The following KCNK13 variants were observed in gnomAD, a reference collection of about 807,000 sequenced individuals.
KCNK13 encodes potassium two pore domain channel subfamily K member 13, also known as potassium channel subfamily K member 13.
Under a neutral mutation model 23.4 loss-of-function variants are expected in KCNK13, and 12 were observed. The observed-to-expected ratio is 0.51, with a 90% CI of 0.33 to 0.83. The LOEUF (loss-of-function observed/expected upper bound fraction) is 0.83. KCNK13 is among the 40% of genes least tolerant of loss of function. KCNK13 has a pLI of 0.02. For synonymous variants in KCNK13, 231 were observed against 229.5 expected, an observed-to-expected ratio of 1.01 and a Z score of -0.06; for missense variants, 463 against 556.3, an observed-to-expected ratio of 0.83 and a Z score of 1.69.
At chr14:90,125,323 A>G (rs1285279475) in intron 1 of KCNK13, among the ~76,000 whole-genome samples, 1 of 151,046 alleles carries the variant, frequency 6.6e-6, no homozygotes, top group Non-Finnish European at 1.5e-5. Flanking sequence ...TCCTGGGTTC[A>G]CACCATTCTC....
intron 1 of KCNK13, among the ~76,000 whole-genome samples, chr14:90,156,518 A>G (rs569167413): frequency 2.0e-5 from 3 of 152,310 alleles, no homozygotes; most frequent in South Asian, 2.1e-4. Context: ...CAAGGGAGCA[A>G]TTGATTCTCT....
chr14:90,185,662 A>G lies in KCNK13; in HGVS notation c.*659A>G, dbSNP rs1890542127. The G allele has an allele frequency of 6.6e-6, 1 of 152,190 alleles. No homozygotes were observed. The highest frequency in any genetic ancestry group is 6.5e-5 in the Admixed American group (1 of 15,288). 9.4% of individuals were successfully genotyped at this position (152,190 alleles called of 1,614,324 possible). A position where few individuals can be genotyped will look rare whatever the true frequency, so the allele number is the denominator to read the frequency against. On this transcript the variant is annotated 3_prime_UTR_variant, in exon 2 of 2. Transcript: ENST00000282146. ...ATTAAATTCAGCTTCAGGCCTTTAA[A>G]CTGCAGCAAGATGGTGGTGTAGGGG...
At chr14:90,081,451 A>G (rs1368289101) in intron 1 of KCNK13, among the ~76,000 whole-genome samples, 1 of 152,206 alleles carries the variant, frequency 6.6e-6, no homozygotes, top group African/African-American at 2.4e-5. Context: ...TTGTTTTCTC[A>G]TCCACAAACA....
intron 1 of KCNK13, among the ~76,000 whole-genome samples, chr14:90,145,235 T>C (rs1373752721): frequency 6.6e-6 from 1 of 151,704 alleles, no homozygotes; most frequent in East Asian, 1.9e-4. Context: ...TGGCAAAAAA[T>C]ACAAAAAATT....
chr14:90,151,005 C>T (rs1246777300), intron 1 of KCNK13, among the ~76,000 whole-genome samples: 1 of 151,942 alleles, frequency 6.6e-6, no homozygotes, highest in African/African-American at 2.4e-5. Flanking sequence ...TGTGTGGCAC[C>T]TCCTCCCTTC....
At chr14:90,136,771 A>G (rs1186714972) in intron 1 of KCNK13, among the ~76,000 whole-genome samples, 1 of 152,174 alleles carries the variant, frequency 6.6e-6, no homozygotes, top group Non-Finnish European at 1.5e-5. Context: ...TGGCGAGAGA[A>G]GGAAAGTGCT....
intron 1 of KCNK13, among the ~76,000 whole-genome samples, chr14:90,123,075 T>G (rs1279125162): frequency 1.3e-5 from 2 of 152,142 alleles, no homozygotes; most frequent in African/African-American, 2.4e-5. Flanking sequence ...GAACTATAGC[T>G]ATATTCAAAC....
intron 1 of KCNK13, among the ~76,000 whole-genome samples, chr14:90,079,076 A>C (rs1170908034): frequency 6.6e-6 from 1 of 152,204 alleles, no homozygotes; most frequent in Non-Finnish European, 1.5e-5. Context: ...AAAGTCAACC[A>C]GGAGTTGGGC....
intron 1 of KCNK13, among the ~76,000 whole-genome samples, chr14:90,093,484 C>T (rs1315330828): frequency 6.6e-6 from 1 of 152,190 alleles, no homozygotes; most frequent in Non-Finnish European, 1.5e-5. Context: ...CTCTTTGCCA[C>T]CTCTACATTT....
chr14:90,114,938 C>T (rs1348221175), intron 1 of KCNK13, among the ~76,000 whole-genome samples: 1 of 152,202 alleles, frequency 6.6e-6, no homozygotes, highest in East Asian at 1.9e-4. Flanking sequence ...GCAGGTTCAC[C>T]TCACTTTCTT....
chr14:90,135,012 T>C (rs1889918964), intron 1 of KCNK13, among the ~76,000 whole-genome samples: 1 of 152,114 alleles, frequency 6.6e-6, no homozygotes, highest in Non-Finnish European at 1.5e-5. Flanking sequence ...GCTTCCAAGG[T>C]TTACTCAATT....
rs1365228104 is a variant in KCNK13 at position 90,133,605 on chromosome 14, A to G, written c.335-50506A>G. Among the ~76,000 whole-genome samples, 4 of 152,182 alleles carry G rather than the reference A, an allele frequency of 2.6e-5. No homozygotes were observed. In the East Asian group the frequency reaches 7.7e-4, roughly 29 times the overall value. Reference sequence around the variant, plus strand: ...GAACAAAAACAAAACAGGCAAAAAAAAAAAAAAAAACAGTTAAGAAATTGC... The same window carrying G: ...GAACAAAAACAAAACAGGCAAAAAAGAAAAAAAAAACAGTTAAGAAATTGC... On this transcript the variant is annotated intron_variant, in intron 1 of 1. Transcript: ENST00000282146.
At chr14:90,158,926 G>T (rs1890223740) in intron 1 of KCNK13, among the ~76,000 whole-genome samples, 1 of 152,182 alleles carries the variant, frequency 6.6e-6, no homozygotes, top group African/African-American at 2.4e-5. Context: ...GTTGGAAGAG[G>T]GCACACTTGG....
Position 90,066,046 on chromosome 14 carries a change from C to A in KCNK13, c.334+3507C>A, listed in dbSNP as rs189854232. ...TGGCACAATCTTGGCTCACTGCAACCCCTGCCTCCCGGGTTCAAGCAGTTC... is the reference window on the plus strand; with the variant it reads ...TGGCACAATCTTGGCTCACTGCAACACCTGCCTCCCGGGTTCAAGCAGTTC... On this transcript the variant is annotated intron_variant, in intron 1 of 1. Transcript: ENST00000282146. 2.0e-3 allele frequency among the ~76,000 whole-genome samples: 309 copies of A among 152,090 alleles called. 6 individuals carry two copies. Among genetic ancestry groups the A allele is most frequent in the East Asian group, 6.4e-3 (33 of 5,168 alleles).
chr14:90,163,746 G>A (rs542854060), intron 1 of KCNK13, among the ~76,000 whole-genome samples: 2 of 152,286 alleles, frequency 1.3e-5, no homozygotes, highest in Non-Finnish European at 2.9e-5. Flanking sequence ...CTCAAATGCA[G>A]TGGTGCAATC....
chr14:90,174,877 A>G (rs1250459854), intron 1 of KCNK13, among the ~76,000 whole-genome samples: 2 of 151,994 alleles, frequency 1.3e-5, no homozygotes, highest in Admixed American at 1.3e-4. Context: ...AAATAAATAA[A>G]TAATAAATAA....
chr14:90,162,613 C>T (rs1003140321), intron 1 of KCNK13, among the ~76,000 whole-genome samples: 5 of 152,226 alleles, frequency 3.3e-5, no homozygotes, highest in Admixed American at 1.3e-4. Context: ...GAAAAATAAA[C>T]TTTTTAAAAT....
rs369059666 is a variant in KCNK13 at position 90,151,260 on chromosome 14, A to G, written c.335-32851A>G. ...ACCTATTTTATTTTTTCACATTCCC[A>G]CCAACAGTGTACAAGAGTTGTCTTT... On this transcript the variant is annotated intron_variant, in intron 1 of 1. Coordinates refer to ENST00000282146, the MANE Select transcript of KCNK13 (RefSeq NM_022054.4). Among the ~76,000 whole-genome samples the G allele has an allele frequency of 5.9e-5, 9 of 152,324 alleles. No homozygotes were observed. In the East Asian group the frequency reaches 1.3e-3, roughly 23 times the overall value.
chr14:90,092,113 G>A (rs545951460), intron 1 of KCNK13, among the ~76,000 whole-genome samples: 7 of 152,036 alleles, frequency 4.6e-5, no homozygotes, highest in South Asian at 2.1e-4. Context: ...TAGTAGAGAT[G>A]GGGTTTCACC....
Sources: allele counts gnomAD v4.1 joint callset (sites outside exome capture counted in the v4.1 genomes callset), GRCh38; gene constraint gnomAD v4.1.1; transcripts MANE v1.5; gene names NCBI Gene and HGNC (gene_info 2026-07-23, HGNC 2026-07-21).